The following COL5A2 variants were observed in gnomAD, a reference collection of about 807,000 sequenced individuals.
The protein encoded by COL5A2 is collagen type V alpha 2 chain, also known as collagen alpha-2(V) chain.
Under a neutral mutation model 208.2 loss-of-function variants are expected in COL5A2, and 23 were observed. That is an observed-to-expected ratio of 0.11 (90% CI 0.08 to 0.16). The LOEUF (loss-of-function observed/expected upper bound fraction) is 0.16. COL5A2 is among the 10% of genes least tolerant of loss of function. The probability of loss-of-function intolerance (pLI) is 1.00; values close to 1 mark genes in which losing one functional copy is unlikely to be tolerated. For synonymous variants in COL5A2, 625 were observed against 628.5 expected (o/e 0.99, Z 0.08); for missense variants, 1,590 against 1,956.4 (o/e 0.81, Z 3.53).
chr2:189,114,710 G>C (rs1249104116), intron 1 of COL5A2, among the ~76,000 whole-genome samples: 1 of 151,548 alleles, frequency 6.6e-6, no homozygotes. Flanking sequence ...TTGCGGGAGG[G>C]AGAGCATTAG....
chr2:189,049,606 C>A, intron 43 of COL5A2, 152 bp from the exon 44 acceptor site: 1 of 684,302 alleles, frequency 1.5e-6, no homozygotes, highest in South Asian at 1.7e-5. Context: ...ATAATGCTTT[C>A]TTAGAGGCCT....
intron 11 of COL5A2, 48 bp downstream of exon 11, chr2:189,085,112 C>CCG: frequency 6.9e-7 from 1 of 1,444,636 alleles, no homozygotes; most frequent in Admixed American, 1.7e-5. Flanking sequence ...CATTTTAACC[C>CCG]CTTCGCCTCT....
chr2:189,348,396 G>A, the COL5A2 span, among the ~76,000 whole-genome samples: 1 of 152,060 alleles, frequency 6.6e-6, no homozygotes, highest in Admixed American at 6.6e-5. Context: ...AGTTATGAAA[G>A]AAGATGAACA....
the COL5A2 span, among the ~76,000 whole-genome samples, chr2:189,391,446 T>A: frequency 1.3e-5 from 2 of 152,160 alleles, no homozygotes; most frequent in African/African-American, 2.4e-5. Context: ...AAATGTTGAT[T>A]GCTTTGGATC....
the COL5A2 span, among the ~76,000 whole-genome samples, chr2:189,264,900 G>T: frequency 6.6e-6 from 1 of 152,086 alleles, no homozygotes; most frequent in Non-Finnish European, 1.5e-5. Flanking sequence ...AAGTGTGAAA[G>T]AAAAATTTCA....
At chr2:189,198,173 CTT>C (rs761396489) in intron 1 of COL5A2, among the ~76,000 whole-genome samples, 2 of 152,080 alleles carry the variant, frequency 1.3e-5, no homozygotes, top group Non-Finnish European at 2.9e-5. Flanking sequence ...GTATGTTAGT[CTT>C]TATCCTGGCC....
rs988567628 is a variant in COL5A2 at position 189,092,477 on chromosome 2, A to G, written c.457-57T>C. The G allele has an allele frequency of 3.8e-6, 4 of 1,049,598 alleles. No individual in the cohort carries two copies. In the Admixed American group the frequency reaches 7.9e-5, roughly 21 times the overall value. 65.0% of individuals were successfully genotyped at this position (1,049,598 alleles called of 1,614,324 possible). A position where few individuals can be genotyped will look rare whatever the true frequency, so the allele number is the denominator to read the frequency against. ...ACTGCCAAATATACACTTAGTAGAAAGCTAAAGGCACAGACTTCTTAATGG... is the reference window on the plus strand; with the variant it reads ...ACTGCCAAATATACACTTAGTAGAAGGCTAAAGGCACAGACTTCTTAATGG... On this transcript the variant is annotated intron_variant, in intron 6 of 53. Coordinates refer to ENST00000374866, the MANE Select transcript of COL5A2 (RefSeq NM_000393.5).
intron 1 of COL5A2, among the ~76,000 whole-genome samples, chr2:189,111,815 T>A (rs1687267851): frequency 6.6e-6 from 1 of 152,130 alleles, no homozygotes; most frequent in Non-Finnish European, 1.5e-5. Context: ...AGAGAAAAAC[T>A]AGATGAAAGT....
At chr2:189,436,180 C>T in the COL5A2 span, among the ~76,000 whole-genome samples, 1 of 151,952 alleles carries the variant, frequency 6.6e-6, no homozygotes, top group East Asian at 1.9e-4. Context: ...ACCATAAAAA[C>T]CCTAGAAGAA....
chr2:189,366,447 A>C, the COL5A2 span, among the ~76,000 whole-genome samples: 2 of 152,210 alleles, frequency 1.3e-5, no homozygotes, highest in African/African-American at 4.8e-5. Context: ...AGACCAAGAA[A>C]GCTGCTAAAC....
chr2:189,366,217 C>A, the COL5A2 span, among the ~76,000 whole-genome samples: 1 of 152,152 alleles, frequency 6.6e-6, no homozygotes, highest in Non-Finnish European at 1.5e-5. Flanking sequence ...AAATGACAGC[C>A]ATGATTATTC....
At chr2:189,364,670 C>A in the COL5A2 span, among the ~76,000 whole-genome samples, 3 of 150,636 alleles carry the variant, frequency 2.0e-5, no homozygotes, top group African/African-American at 7.4e-5. Context: ...GGCGACAGAG[C>A]AAGACTCTGT....
intron 1 of COL5A2, among the ~76,000 whole-genome samples, chr2:189,188,379 G>A (rs1688881438): frequency 6.6e-6 from 1 of 152,106 alleles, no homozygotes; most frequent in South Asian, 2.1e-4. Context: ...CTGATTCCAA[G>A]ATTCATCCAT....
At chr2:189,038,355 A>G (rs1376083954) in intron 51 of COL5A2, among the ~76,000 whole-genome samples, 4 of 152,210 alleles carry the variant, frequency 2.6e-5, no homozygotes, top group Non-Finnish European at 4.4e-5. Flanking sequence ...TGCAAAGGAC[A>G]TGATTTCATT....
At chr2:189,184,840 C>T (rs963825028), upstream of COL5A2, among the ~76,000 whole-genome samples, 2 of 152,016 alleles carry the variant, frequency 1.3e-5, no homozygotes. Flanking sequence ...GTACCATAGA[C>T]AGAAATAAAC....
chr2:189,309,408 C>G, the COL5A2 span, among the ~76,000 whole-genome samples: 1 of 152,172 alleles, frequency 6.6e-6, no homozygotes, highest in East Asian at 1.9e-4. Context: ...CCCAAGTAAG[C>G]ATGCGTACAA....
the COL5A2 span, among the ~76,000 whole-genome samples, chr2:189,341,792 T>G: frequency 1.3e-5 from 2 of 152,186 alleles, no homozygotes; most frequent in Non-Finnish European, 2.9e-5. Flanking sequence ...ATATTTTTAA[T>G]TACTACTTAA....
chr2:189,396,855 G>A, the COL5A2 span, among the ~76,000 whole-genome samples: 1 of 151,576 alleles, frequency 6.6e-6, no homozygotes, highest in Non-Finnish European at 1.5e-5. Context: ...AGCTGGCCAT[G>A]GTGGCGGGCA....
the COL5A2 span, among the ~76,000 whole-genome samples, chr2:189,352,626 C>T: frequency 6.6e-6 from 1 of 152,134 alleles, no homozygotes; most frequent in Non-Finnish European, 1.5e-5. Context: ...ATATCCTTTG[C>T]CCACTTTTTG....
Sources: gnomAD v4.1 joint callset for allele counts (sites outside exome capture counted in the v4.1 genomes callset) on GRCh38, gnomAD v4.1.1 for gene constraint, MANE v1.5 for transcripts, NCBI Gene and HGNC (gene_info 2026-07-23, HGNC 2026-07-21) for gene names.